SELP: variants seen among roughly 807,000 people sequenced by gnomAD.
The protein encoded by SELP is P-selectin.
A neutral mutation model predicts 104.1 loss-of-function variants in SELP; 92 were observed. That is an observed-to-expected ratio of 0.88 (90% CI 0.75 to 1.05). The LOEUF (loss-of-function observed/expected upper bound fraction) is 1.05. Ranked by LOEUF, SELP falls within the 50% of genes least tolerant of loss-of-function variation. The pLI, the probability that SELP is intolerant of heterozygous loss-of-function variation, is 0.00. For missense variants in SELP, 1,022 were observed against 1,017.3 expected, an observed-to-expected ratio of 1.00 and a Z score of -0.06; for synonymous variants, 397 against 364.5, an observed-to-expected ratio of 1.09 and a Z score of -1.01.
chr1:169,607,429 T>G lies in SELP; in HGVS notation c.1334-295A>C, dbSNP rs3917872. Among the ~76,000 whole-genome samples the G allele has an allele frequency of 8.5e-3, 1,292 of 152,266 alleles. 8 individuals are homozygous for G. Among genetic ancestry groups the G allele is most frequent in the Non-Finnish European group, 0.014 (979 of 68,008 alleles). ...ATCAAGATGCATACCAAAAAATCTA[T>G]TTAGAGATTTTTGTGAAGACATTAT... On this transcript the variant is annotated intron_variant, in intron 8 of 16. Coordinates refer to ENST00000263686, the MANE Select transcript of SELP (RefSeq NM_003005.4).
chr1:169,613,797 G>A (rs941257090), intron 3 of SELP, 104 bp from the exon 4 acceptor site: 3 of 906,654 alleles, frequency 3.3e-6, no homozygotes, highest in Non-Finnish European at 5.4e-6. Context: ...ATAGGACTGA[G>A]CTAGCCAGAC....
chr1:169,626,734 G>C (rs1400773324), intron 1 of SELP, among the ~76,000 whole-genome samples: 6 of 152,114 alleles, frequency 3.9e-5, no homozygotes, highest in Non-Finnish European at 8.8e-5. Context: ...TTGCTCTGTT[G>C]CCCAGGCTGA....
Position 169,593,717 on chromosome 1 carries a change from T to G in SELP, c.2295A>C (p.Pro765=), listed in dbSNP as rs1183057582. 1 of 1,613,344 alleles carries G rather than the reference T, an allele frequency of 6.2e-7. No homozygotes were observed. Among genetic ancestry groups the G allele is most frequent in the Non-Finnish European group, 8.5e-7 (1 of 1,179,562 alleles). The part of the protein sequence containing the change: ...STTVPTCQAG[P]LTIQEALTYF... ...AAGTCAGGGCTTCCTGGATAGTCAA[T>G]GGTCCTGCTACAAAACAAACACACA... is the stretch of plus-strand genomic sequence containing the variant. The change falls in exon 14 of 17, where the codon CCA becomes CCC. Residue 765 remains proline, a synonymous_variant. Coordinates refer to ENST00000263686, the MANE Select transcript of SELP (RefSeq NM_003005.4).
intron 14 of SELP, 126 bp downstream of exon 14, chr1:169,593,479 A>T: frequency 1.4e-6 from 1 of 707,422 alleles, no homozygotes; most frequent in Non-Finnish European, 2.3e-6. Flanking sequence ...ATTTTCTTTT[A>T]ATGCAAATGT....
At position 169,617,365 on chromosome 1, in the gene SELP, T is replaced by G; in HGVS notation, c.144A>C (p.Thr48=). 1 of 1,614,150 alleles carries G rather than the reference T, an allele frequency of 6.2e-7. No individual in the cohort carries two copies. Among genetic ancestry groups the G allele is most frequent in the Non-Finnish European group, 8.5e-7 (1 of 1,180,002 alleles). Residue 48 remains threonine, a synonymous_variant, in exon 3 of 17, where the codon ACA becomes ACC. Transcript: ENST00000263686. ...GGGAAATATTCCATGAGTATGCTTTTGTGCTGTAATGATAAGTCCATGCTG... is the reference window on the plus strand; with the variant it reads ...GGGAAATATTCCATGAGTATGCTTTGGTGCTGTAATGATAAGTCCATGCTG... ...EVAAWTYHYS[T]KAYSWNISRK...
At chr1:169,606,264 C>A (rs1662188241) in intron 9 of SELP, among the ~76,000 whole-genome samples, 1 of 152,180 alleles carries the variant, frequency 6.6e-6, no homozygotes, top group African/African-American at 2.4e-5. Context: ...TTGCAGTGGG[C>A]CGAGATTGTG....
chr1:169,605,166 A>T (rs1023391996), intron 9 of SELP, among the ~76,000 whole-genome samples: 6 of 152,184 alleles, frequency 3.9e-5, no homozygotes, highest in Admixed American at 3.3e-4. Flanking sequence ...TAAGAGTTTC[A>T]ATCACTGTGA....
Position 169,593,585 on chromosome 1 carries a change from G to A in SELP, c.2407+20C>T, listed in dbSNP as rs749928960. ...GATTTATGTAACCAAGATGCAAAGA[G>A]AAGACTCTTTCCTATTTACCTTTTT... On this transcript the variant is annotated intron_variant, in intron 14 of 16. Transcript: ENST00000263686. 6.2e-7 allele frequency: 1 copy of A among 1,608,908 alleles called. No homozygotes were observed. Among genetic ancestry groups the A allele is most frequent in the South Asian group, 1.1e-5 (1 of 90,616 alleles).
Position 169,607,097 on chromosome 1 carries a change from G to T in SELP, c.1371C>A (p.Ala457=). ...QCQDLPVPNE[A]RVNCSHPFGA... ...CGAAGGGGTGGGAGCAGTTCACCCGGGCCTCATTTGGAACTGGGAGATCCT... is the reference window on the plus strand; with the variant it reads ...CGAAGGGGTGGGAGCAGTTCACCCGTGCCTCATTTGGAACTGGGAGATCCT... The change falls in exon 9 of 17, where the codon GCC becomes GCA. Residue 457 remains alanine (A), a synonymous_variant. Coordinates refer to ENST00000263686, the MANE Select transcript of SELP (RefSeq NM_003005.4). 1 of 1,606,778 alleles carries T rather than the reference G, an allele frequency of 6.2e-7. No individual in the cohort carries two copies. Among genetic ancestry groups the T allele is most frequent in the South Asian group, 1.1e-5 (1 of 90,874 alleles).
intron 6 of SELP, 31 bp from the exon 7 acceptor site, chr1:169,611,708 G>T (rs1290285044): frequency 6.3e-7 from 1 of 1,595,938 alleles, no homozygotes; most frequent in African/African-American, 1.4e-5. Context: ...TAAAGAGAAA[G>T]ATACTGAGAA....
intron 1 of SELP, among the ~76,000 whole-genome samples, chr1:169,626,775 A>T (rs1663394526): frequency 6.6e-6 from 1 of 151,692 alleles, no homozygotes; most frequent in South Asian, 2.1e-4. Context: ...GTTCACTGAA[A>T]CCTCCACCTC....
intron 15 of SELP, among the ~76,000 whole-genome samples, chr1:169,590,628 G>T (rs1661313868): frequency 6.6e-6 from 1 of 152,118 alleles, no homozygotes; most frequent in Non-Finnish European, 1.5e-5. Flanking sequence ...AAGGGTGCTG[G>T]ATGTCTACGA....
chr1:169,619,004 A>G (rs926395121), intron 2 of SELP, 125 bp downstream of exon 2: 1 of 678,420 alleles, frequency 1.5e-6, no homozygotes, highest in East Asian at 2.7e-5. Context: ...TCTTCCAGCA[A>G]TCTGGACTTG....
At chr1:169,603,770 A>G (rs943303188) in intron 9 of SELP, among the ~76,000 whole-genome samples, 7 of 152,202 alleles carry the variant, frequency 4.6e-5, no homozygotes, top group Admixed American at 1.3e-4. Context: ...AACCTTTCTG[A>G]GCCTCAGTTG....
chr1:169,603,406 T>A (rs1662023407), intron 9 of SELP, among the ~76,000 whole-genome samples, 195 bp from the exon 10 acceptor site: 1 of 151,698 alleles, frequency 6.6e-6, no homozygotes, highest in Non-Finnish European at 1.5e-5. Flanking sequence ...TCATGATGCT[T>A]CATCACCAGT....
In SELP at chr1:169,594,680, T is replaced by G; in HGVS notation, c.2287+12A>C. ...CATCAAAGTGACTTCTTAACCCACA[T>G]GAAAATTGTACCTTGGCAGGTTGGC... is the stretch of plus-strand genomic sequence containing the variant. On this transcript the variant is annotated intron_variant, in intron 13 of 16. Coordinates refer to ENST00000263686, the MANE Select transcript of SELP (RefSeq NM_003005.4). The G allele has an allele frequency of 6.2e-7, 1 of 1,610,732 alleles. No individual in the cohort carries two copies.
In SELP at chr1:169,607,166, C is replaced by G. The variant is rs1245439864; in HGVS notation, c.1334-32G>C. ...GATGAGGAAGTAAGGAATAAAGAAA[C>G]AGTAATACACATGTACTCATTGATT... On this transcript the variant is annotated intron_variant, in intron 8 of 16. Coordinates refer to ENST00000263686, the MANE Select transcript of SELP (RefSeq NM_003005.4). 5 of 1,554,836 alleles carry G rather than the reference C, an allele frequency of 3.2e-6. No individual in the cohort carries two copies. In the East Asian group the frequency reaches 9.1e-5, roughly 28 times the overall value.
At chr1:169,603,307 C>CTGTG (rs3035296) in intron 9 of SELP, 96 bp from the exon 10 acceptor site, 44,211 of 596,860 alleles carry the variant, frequency 0.074, 1,214 homozygotes, top group Non-Finnish European at 0.087. Flanking sequence ...CTCTCTCTCT[C>CTGTG]TGTGTGTGTG....
chr1:169,611,605 G>T lies in SELP; in HGVS notation c.1034C>A (p.Ala345Asp). The T allele has an allele frequency of 6.2e-7, 1 of 1,614,150 alleles. No individual in the cohort carries two copies. The highest frequency in any genetic ancestry group is 8.5e-7 in the Non-Finnish European group (1 of 1,180,008). ...CTCAAATTTACAGCTGGAGCCATAGGCAAAAGCAGTGAGCGGATGAACACA... is the reference window on the plus strand; with the variant it reads ...CTCAAATTTACAGCTGGAGCCATAGTCAAAAGCAGTGAGCGGATGAACACA... ...MDCVHPLTAFAYGSSCKFECQ... is the reference protein window; with the variant it reads ...MDCVHPLTAFDYGSSCKFECQ... The change falls in exon 7 of 17, where the codon GCC becomes GAC. Residue 345 changes from alanine to aspartate, a missense_variant. By Grantham distance (126) the Ala-to-Asp change is moderately radical. Transcript: ENST00000263686.
Sources: gnomAD v4.1 joint callset for allele counts (sites outside exome capture counted in the v4.1 genomes callset) on GRCh38, gnomAD v4.1.1 for gene constraint, MANE v1.5 for transcripts, NCBI Gene and HGNC (gene_info 2026-07-23, HGNC 2026-07-21) for gene names.